FN1: variants seen among roughly 807,000 people sequenced by gnomAD.
The protein encoded by FN1 is fibronectin 1.
A neutral mutation model predicts 297.3 loss-of-function variants in FN1; 106 were observed. The ratio of observed to expected loss-of-function variants is 0.36; its 90% CI spans 0.30 to 0.42. FN1 has a LOEUF of 0.42. FN1 is among the 10% of genes least tolerant of loss of function. The pLI is 1.00. For missense variants in FN1, 2,690 were observed against 3,124.9 expected, an observed-to-expected ratio of 0.86 and a Z score of 3.32; for synonymous variants, 1,149 against 1,152.6, an observed-to-expected ratio of 1.00 and a Z score of 0.06.
chr2:215,425,470 A>T (rs778861570), intron 6 of FN1, among the ~76,000 whole-genome samples, 185 bp from the exon 7 acceptor site: 2 of 152,204 alleles, frequency 1.3e-5, no homozygotes, highest in African/African-American at 4.8e-5. Flanking sequence ...GAAATAATCC[A>T]CAAGTGTCTA....
At chr2:215,384,274 T>C (rs2058614787) in intron 29 of FN1, 90 bp from the exon 30 acceptor site, 3 of 1,255,562 alleles carry the variant, frequency 2.4e-6, no homozygotes, top group African/African-American at 1.5e-5. Flanking sequence ...TATAGCAGCA[T>C]GTAAATCACA....
chr2:215,396,625 G>A (rs2060341239), intron 23 of FN1, among the ~76,000 whole-genome samples: 1 of 152,118 alleles, frequency 6.6e-6, no homozygotes. Context: ...TTTAAAATGT[G>A]TGACTATGAG....
rs1209231819 is a variant in FN1 at position 215,361,156 on chromosome 2, G to A, written c.*399C>T. 3 of 221,054 alleles carry A rather than the reference G, an allele frequency of 1.4e-5. No homozygotes were observed. The highest frequency in any genetic ancestry group is 4.6e-5 in the African/African-American group (2 of 43,634). The allele number at this position is 221,054 out of a possible 1,614,324, so 13.7% of individuals were successfully genotyped here. On this transcript the variant is annotated 3_prime_UTR_variant, in exon 46 of 46. Transcript: ENST00000354785. ...ATCATGCTTGTTCCTACAGTATTGCGGGCCAGACACTTAAGTGAAAGCAGA... is the reference window on the plus strand; with the variant it reads ...ATCATGCTTGTTCCTACAGTATTGCAGGCCAGACACTTAAGTGAAAGCAGA...
In FN1 at chr2:215,370,540, C is replaced by CCAAAAA. The variant is rs1553600561; in HGVS notation, c.6715-109_6715-108insTTTTTG. The CCAAAAA allele has an allele frequency of 2.9e-4, 89 of 304,956 alleles. No homozygotes were observed. The African/African-American group carries it at 3.1e-3, about 11-fold the overall frequency. The allele number at this position is 304,956 out of a possible 1,614,324, so 18.9% of individuals were successfully genotyped here. A position where few individuals can be genotyped will look rare whatever the true frequency, so the allele number is the denominator to read the frequency against. On this transcript the variant is annotated intron_variant, in intron 40 of 45. Coordinates refer to ENST00000354785, the MANE Select transcript of FN1 (RefSeq NM_212482.4). ...ACTGTTTAAACAAAGCAAAGGAAGACAAAAAACAAAAAACAAAAAAAAAAA... is the reference window on the plus strand; with the variant it reads ...ACTGTTTAAACAAAGCAAAGGAAGACCAAAAAAAAAAACAAAAAACAAAAAAAAAAA...
intron 23 of FN1, among the ~76,000 whole-genome samples, chr2:215,395,898 C>A (rs1012405592): frequency 1.0e-5 from 1 of 99,078 alleles, no homozygotes; most frequent in Admixed American, 1.1e-4. Flanking sequence ...CTAACAAGCA[C>A]GAAGATTGTC....
At chr2:215,420,026 A>AT (rs2106395913) in intron 11 of FN1, among the ~76,000 whole-genome samples, 1 of 152,108 alleles carries the variant, frequency 6.6e-6, no homozygotes, top group East Asian at 1.9e-4. Context: ...AGCCTTCACT[A>AT]TTTGCTTAGT....
intron 36 of FN1, among the ~76,000 whole-genome samples, chr2:215,376,193 G>GT (rs1163476601): frequency 6.6e-6 from 1 of 152,082 alleles, no homozygotes; most frequent in Non-Finnish European, 1.5e-5. Context: ...ATACATCACT[G>GT]TTTTTTATTT....
chr2:215,388,031 G>T (rs1469798137), intron 27 of FN1, among the ~76,000 whole-genome samples, 181 bp downstream of exon 27: 1 of 152,214 alleles, frequency 6.6e-6, no homozygotes, highest in Non-Finnish European at 1.5e-5. Flanking sequence ...AAGTCTAGGT[G>T]ATTGTTGAGT....
Position 215,365,648 on chromosome 2 carries a change from G to A in FN1, c.7019-18C>T. On this transcript the variant is annotated intron_variant, in intron 42 of 45. Transcript: ENST00000354785. ...GCACCATCCTGTAGGGGTGGGGAAA[G>A]TCAGGACCAAAAAGTTATTTGTATA... 2 of 1,613,626 alleles carry A rather than the reference G, an allele frequency of 1.2e-6. No homozygotes were observed. The highest frequency in any genetic ancestry group is 1.7e-6 in the Non-Finnish European group (2 of 1,179,750).
At chr2:215,406,179 A>T in intron 19 of FN1, 59 bp downstream of exon 19, 1 of 1,559,582 alleles carries the variant, frequency 6.4e-7, no homozygotes, top group Non-Finnish European at 8.8e-7. Context: ...GCACTTTCTC[A>T]CAGGCTGCAA....
Position 215,431,855 on chromosome 2 carries a change from T to A in FN1, c.525A>T (p.Gly175=). 6.2e-7 allele frequency: 1 copy of A among 1,614,182 alleles called. No homozygotes were observed. The highest frequency in any genetic ancestry group is 8.5e-7 in the Non-Finnish European group (1 of 1,180,026). The stretch of plus-strand genomic sequence containing the variant: ...CACCTATGGGCTTGCAGGTCCATTC[T>A]CCTTTTCCATTACCAAGACACACAC... ...LECVCLGNGK[G]EWTCKPIAEK... is the part of the protein sequence containing the mutation. The change falls in exon 4 of 46, where the codon GGA becomes GGT. Residue 175 remains glycine (G), a synonymous_variant. Transcript: ENST00000354785.
At chr2:215,415,632 A>G (rs1325318316) in intron 12 of FN1, among the ~76,000 whole-genome samples, 1 of 151,956 alleles carries the variant, frequency 6.6e-6, no homozygotes, top group Admixed American at 6.6e-5. Flanking sequence ...GATTAAATTT[A>G]TTTTTTTTCC....
chr2:215,406,170 C>T, intron 19 of FN1, 68 bp downstream of exon 19: 3 of 1,507,726 alleles, frequency 2.0e-6, no homozygotes, highest in East Asian at 2.3e-5. Context: ...TGGTTTACTG[C>T]ACTTTCTCAC....
chr2:215,375,220 T>G lies in FN1; in HGVS notation c.6151A>C (p.Ile2051Leu). The stretch of plus-strand genomic sequence containing the variant: ...AGCATGGAAGCAGCAATACCAGTAA[T>G]AGTAGCCTCTGTGACACCAGGGCGG... Reference protein sequence around the residue: ...RPRPGVTEATITGLEPGTEYT... With the variant: ...RPRPGVTEATLTGLEPGTEYT... Residue 2051 changes from isoleucine (I) to leucine (L), a missense_variant, in exon 38 of 46, where the codon ATT becomes CTT. Physicochemically the swap from Ile to Leu is conservative, Grantham distance 5. Around this residue, in one of 3 missense-constraint regions of FN1, gnomAD observed 1,743 missense variants for 1,945.2 expected, o/e 0.90. Coordinates refer to ENST00000354785, the MANE Select transcript of FN1 (RefSeq NM_212482.4). 6.2e-7 allele frequency: 1 copy of G among 1,614,044 alleles called. No homozygotes were observed.
chr2:215,380,247 A>T (rs2058017593), intron 33 of FN1: 1 of 158,656 alleles, frequency 6.3e-6, no homozygotes, highest in Non-Finnish European at 1.4e-5. Context: ...ACTAGGATAC[A>T]TCTTTAGCAT....
intron 12 of FN1, 131 bp from the exon 13 acceptor site, chr2:215,415,089 G>C: frequency 1.5e-6 from 1 of 655,188 alleles, no homozygotes; most frequent in South Asian, 2.0e-5. Flanking sequence ...AAATTATCTG[G>C]CATTAATCTT....
In FN1 at chr2:215,379,166, A is replaced by G; in HGVS notation, c.5586T>C (p.Ala1862=). ...ATACAACCACGGATGAGCTGTCAGG[A>G]GCAAGGTTGATTTCTTTCATTGGTC... ...KTGPMKEINL[A]PDSSSVVVSG... is the part of the protein sequence containing the mutation. Residue 1862 remains alanine, a synonymous_variant, in exon 34 of 46, where the codon GCT becomes GCC. Transcript: ENST00000354785. 6.2e-7 allele frequency: 1 copy of G among 1,614,078 alleles called. No homozygotes were observed. Among genetic ancestry groups the G allele is most frequent in the Non-Finnish European group, 8.5e-7 (1 of 1,180,004 alleles).
In FN1 at chr2:215,391,775, C is replaced by G; in HGVS notation, c.4109G>C (p.Gly1370Ala). 1 of 1,614,000 alleles carries G rather than the reference C, an allele frequency of 6.2e-7. No individual in the cohort carries two copies. The highest frequency in any genetic ancestry group is 8.5e-7 in the Non-Finnish European group (1 of 1,179,988). ...CCAGGTGACACGCATGGTGTCTGGA[C>G]CAATGTTGGTGAATCGCAGGTCAGT... ...PPTDLRFTNIGPDTMRVTWAP... is the reference protein window; with the variant it reads ...PPTDLRFTNIAPDTMRVTWAP... Residue 1370 changes from glycine to alanine, a missense_variant, in exon 26 of 46, where the codon GGT (glycine) becomes GCT (alanine). Physicochemically the swap from Gly to Ala is moderately conservative, Grantham distance 60 (BLOSUM62 0). Transcript: ENST00000354785.
chr2:215,388,105 C>A, intron 27 of FN1, 107 bp downstream of exon 27: 2 of 830,216 alleles, frequency 2.4e-6, no homozygotes, highest in Non-Finnish European at 2.0e-6. Context: ...GGTACACACA[C>A]CATGACAACA....
Sources: allele counts gnomAD v4.1 joint callset (sites outside exome capture counted in the v4.1 genomes callset), GRCh38; gene constraint gnomAD v4.1.1; regional missense constraint gnomAD v4.1.1; transcripts MANE v1.5; gene names NCBI Gene and HGNC (gene_info 2026-07-23, HGNC 2026-07-21).